ADGRL4: variants seen among roughly 807,000 people sequenced by gnomAD.
ADGRL4 encodes adhesion G protein-coupled receptor L4.
Under a neutral mutation model 74.8 loss-of-function variants are expected in ADGRL4, and 90 were observed. That is an observed-to-expected ratio of 1.20 (90% CI 1.02 to 1.43). The LOEUF is 1.43. ADGRL4 is among the 40% of genes most tolerant of loss of function. The pLI is 0.00. For synonymous variants in ADGRL4, 311 were observed against 279.2 expected, an observed-to-expected ratio of 1.11 and a Z score of -1.14; for missense variants, 881 against 814.3, an observed-to-expected ratio of 1.08 and a Z score of -1.00.
chr1:78,984,922 A>C (rs1650463629), intron 2 of ADGRL4, among the ~76,000 whole-genome samples: 1 of 151,694 alleles, frequency 6.6e-6, no homozygotes, highest in Non-Finnish European at 1.5e-5. Context: ...AAGGAAAAAG[A>C]GGGAGGAAGA....
At chr1:79,004,378 A>C (rs1245962612) in intron 2 of ADGRL4, among the ~76,000 whole-genome samples, 1 of 152,038 alleles carries the variant, frequency 6.6e-6, no homozygotes, top group Non-Finnish European at 1.5e-5. Flanking sequence ...GGAGTGGAAG[A>C]TTGGGGTAGA....
chr1:78,956,577 G>A (rs1477236081), intron 2 of ADGRL4, among the ~76,000 whole-genome samples: 2 of 152,086 alleles, frequency 1.3e-5, no homozygotes. Flanking sequence ...CTCTCAATCT[G>A]TTCACTTTCT....
chr1:78,993,370 AC>A, intron 2 of ADGRL4, among the ~76,000 whole-genome samples: 1 of 152,168 alleles, frequency 6.6e-6, no homozygotes, highest in East Asian at 1.9e-4. Context: ...AAATGATTAA[AC>A]CTATAAAACC....
intron 2 of ADGRL4, among the ~76,000 whole-genome samples, chr1:78,992,937 A>G (rs11580628): frequency 0.11 from 16,913 of 152,124 alleles, 1,288 homozygotes; most frequent in East Asian, 0.35. Context: ...TCTTGGGCAG[A>G]AAGGAAGTAG....
At chr1:78,921,204 T>C (rs1483526612) in intron 9 of ADGRL4, among the ~76,000 whole-genome samples, 1 of 151,612 alleles carries the variant, frequency 6.6e-6, no homozygotes, top group Non-Finnish European at 1.5e-5. Flanking sequence ...ATGTTAGTTA[T>C]AAGTGTGCTA....
rs536926443 is a variant in ADGRL4 at position 78,933,784 on chromosome 1, C to A, written c.877+2511G>T. ...AATCACAAGCATTCTTTCACACCAA[C>A]AATAGACAAGCAGAGAGCCAAATCA... On this transcript the variant is annotated intron_variant, in intron 7 of 14. Coordinates refer to ENST00000370742, the MANE Select transcript of ADGRL4 (RefSeq NM_022159.4). Among the ~76,000 whole-genome samples the A allele has an allele frequency of 4.4e-4, 18 of 40,650 alleles. 1 individual carries two copies. The highest frequency in any genetic ancestry group is 9.7e-4 in the African/African-American group (16 of 16,436). The allele number at this position is 40,650 out of a possible 152,430, so 26.7% of individuals were successfully genotyped here.
Position 78,891,749 on chromosome 1 carries a change from C to T in ADGRL4, c.1842-57G>A. 4 of 1,448,258 alleles carry T rather than the reference C, an allele frequency of 2.8e-6. No individual in the cohort carries two copies. In the East Asian group the frequency reaches 7.0e-5, roughly 25 times the overall value. 89.7% of individuals were successfully genotyped at this position (1,448,258 alleles called of 1,614,324 possible). On this transcript the variant is annotated intron_variant, in intron 13 of 14. Coordinates refer to ENST00000370742, the MANE Select transcript of ADGRL4 (RefSeq NM_022159.4). ...AAGCTACGTATAGTCAACATATCTC[C>T]CAAATTACTCAAATTATGTGGGAGG...
chr1:78,967,906 T>C (rs983259278), intron 2 of ADGRL4, among the ~76,000 whole-genome samples: 5 of 152,094 alleles, frequency 3.3e-5, no homozygotes, highest in African/African-American at 9.7e-5. Flanking sequence ...CTACCATATT[T>C]AACAGCCTTC....
At chr1:78,931,276 T>A (rs976078035) in intron 7 of ADGRL4, among the ~76,000 whole-genome samples, 1 of 151,398 alleles carries the variant, frequency 6.6e-6, no homozygotes, top group African/African-American at 2.5e-5. Context: ...GGGCCAATAT[T>A]CAACATTCTT....
intron 7 of ADGRL4, among the ~76,000 whole-genome samples, chr1:78,927,408 T>C (rs533708955): frequency 4.0e-4 from 61 of 152,250 alleles, no homozygotes; most frequent in African/African-American, 1.4e-3. Flanking sequence ...GTGTGAAGTG[T>C]ATTCACTTGA....
chr1:78,893,088 A>T lies in ADGRL4; in HGVS notation c.1841+10T>A, dbSNP rs1648322329. ...AAAAAAAAAAAAAGTGAACTTAAAG[A>T]CGCATTTACCTTATGTTCTCAAAGC... is the stretch of plus-strand genomic sequence containing the variant. On this transcript the variant is annotated intron_variant, in intron 13 of 14. Transcript: ENST00000370742. 1.3e-6 allele frequency: 2 copies of T among 1,490,940 alleles called. No individual in the cohort carries two copies. The highest frequency in any genetic ancestry group is 2.6e-5 in the South Asian group (2 of 76,526). 92.4% of individuals were successfully genotyped at this position (1,490,940 alleles called of 1,614,324 possible).
intron 7 of ADGRL4, among the ~76,000 whole-genome samples, chr1:78,931,977 G>C (rs1383695415): frequency 6.6e-6 from 1 of 151,412 alleles, no homozygotes; most frequent in East Asian, 1.9e-4. Flanking sequence ...TCCAATAATA[G>C]TGGGAGACTT....
intron 2 of ADGRL4, among the ~76,000 whole-genome samples, chr1:78,973,514 T>C (rs943503908): frequency 7.5e-5 from 11 of 147,104 alleles, no homozygotes; most frequent in African/African-American, 3.0e-4. Context: ...TTAAATAAAA[T>C]GTAACACACG....
intron 2 of ADGRL4, among the ~76,000 whole-genome samples, chr1:78,953,021 A>G (rs17102524): frequency 0.014 from 2,187 of 152,236 alleles, 55 homozygotes; most frequent in African/African-American, 0.05. Flanking sequence ...TATTATTATC[A>G]TTTTTTGGTC....
intron 2 of ADGRL4, among the ~76,000 whole-genome samples, chr1:78,983,157 G>A (rs1472013): frequency 0.99 from 150,016 of 151,806 alleles, 74,155 homozygotes; most frequent in Middle Eastern, 1. Flanking sequence ...GTATAGAAAG[G>A]TCCTGTGCAC....
chr1:78,945,811 G>A (rs1029805634), intron 3 of ADGRL4, among the ~76,000 whole-genome samples: 4 of 149,916 alleles, frequency 2.7e-5, no homozygotes, highest in African/African-American at 9.7e-5. Flanking sequence ...TTTTATTAAA[G>A]CAGAGGTAAA....
intron 7 of ADGRL4, among the ~76,000 whole-genome samples, chr1:78,932,572 T>A: frequency 8.0e-6 from 1 of 124,374 alleles, no homozygotes; most frequent in Non-Finnish European, 1.6e-5. Context: ...ATAACTAAGA[T>A]CAGAGCAGAG....
intron 12 of ADGRL4, among the ~76,000 whole-genome samples, chr1:78,906,452 C>T (rs145735366): frequency 4.7e-4 from 71 of 151,810 alleles, no homozygotes; most frequent in African/African-American, 1.7e-3. Flanking sequence ...TAAAGTGACC[C>T]GCACGGGAGT....
At chr1:78,940,036 C>G (rs1007314335) in intron 3 of ADGRL4, among the ~76,000 whole-genome samples, 2 of 152,114 alleles carry the variant, frequency 1.3e-5, no homozygotes, top group African/African-American at 4.8e-5. Context: ...TCTCAAATTG[C>G]TTTCTGAATT....
Sources: gnomAD v4.1 joint callset for allele counts (sites outside exome capture counted in the v4.1 genomes callset) on GRCh38, gnomAD v4.1.1 for gene constraint, MANE v1.5 for transcripts, NCBI Gene and HGNC (gene_info 2026-07-23, HGNC 2026-07-21) for gene names.